TBC1D5: variants seen among roughly 807,000 people sequenced by gnomAD.
TBC1D5 encodes TBC1 domain family, member 5.
TBC1D5 carries 75 observed loss-of-function variants against 100.3 expected under a neutral mutation model. The observed-to-expected ratio is 0.75, with a 90% confidence interval of 0.62 to 0.91. The LOEUF (loss-of-function observed/expected upper bound fraction) is 0.91. TBC1D5 is among the 40% of genes least tolerant of loss of function. TBC1D5 has a pLI of 0.00. For missense variants in TBC1D5, 910 were observed against 942.4 expected, an observed-to-expected ratio of 0.97 and a Z score of 0.45; for synonymous variants, 323 against 325.6, an observed-to-expected ratio of 0.99 and a Z score of 0.09.
chr3:17,667,941 C>T (rs1299963527), intron 1 of TBC1D5, among the ~76,000 whole-genome samples: 1 of 151,512 alleles, frequency 6.6e-6, no homozygotes, highest in Non-Finnish European at 1.5e-5. Context: ...AAGATTAACG[C>T]ATTTAATAAA....
intron 18 of TBC1D5, among the ~76,000 whole-genome samples, chr3:17,186,689 G>A (rs143867258): frequency 0.012 from 1,192 of 95,698 alleles, 22 homozygotes; most frequent in African/African-American, 0.041. Flanking sequence ...CAGCCTGGGC[G>A]ACAGAGCAAA....
intron 4 of TBC1D5, among the ~76,000 whole-genome samples, chr3:17,413,228 TTAATAGA>T (rs1359868370): frequency 1.3e-5 from 2 of 152,180 alleles, no homozygotes; most frequent in Non-Finnish European, 2.9e-5. Context: ...CAGGCCAATG[TTAATAGA>T]TCAGTACTGG....
chr3:17,246,779 C>T (rs954251930), intron 16 of TBC1D5, among the ~76,000 whole-genome samples: 1 of 152,176 alleles, frequency 6.6e-6, no homozygotes, highest in Non-Finnish European at 1.5e-5. Flanking sequence ...GGTAGAACCA[C>T]ACAACTTTTA....
intron 4 of TBC1D5, among the ~76,000 whole-genome samples, chr3:17,413,948 T>C (rs1365402980): frequency 2.6e-5 from 4 of 152,156 alleles, no homozygotes; most frequent in African/African-American, 9.7e-5. Context: ...ACAATGAAAT[T>C]GCTGAGTGGT....
At chr3:17,740,567 G>T (rs1023135505) in exon 1 of TBC1D5, 2 of 152,190 alleles carry the variant, frequency 1.3e-5, no homozygotes, top group Admixed American at 6.5e-5. Context: ...AAAGTGTTAT[G>T]AAGTTATGTG....
intron 1 of TBC1D5, among the ~76,000 whole-genome samples, chr3:17,739,180 C>A (rs887033067): frequency 6.6e-6 from 1 of 152,174 alleles, no homozygotes; most frequent in Non-Finnish European, 1.5e-5. Context: ...TTCCAATGAT[C>A]TACCCATGTT....
intron 1 of TBC1D5, among the ~76,000 whole-genome samples, chr3:17,711,644 T>C (rs1311676912): frequency 1.3e-5 from 2 of 152,248 alleles, no homozygotes; most frequent in Non-Finnish European, 2.9e-5. Flanking sequence ...CACTACATAT[T>C]TTTTCATTAA....
At chr3:17,391,531 G>A (rs182048413) in intron 8 of TBC1D5, among the ~76,000 whole-genome samples, 15 of 151,792 alleles carry the variant, frequency 9.9e-5, no homozygotes, top group African/African-American at 3.4e-4. Flanking sequence ...ATATAATAGA[G>A]GTTTTGATAT....
intron 1 of TBC1D5, among the ~76,000 whole-genome samples, chr3:17,698,705 C>A (rs1298952337): frequency 6.7e-6 from 1 of 149,778 alleles, no homozygotes; most frequent in African/African-American, 2.5e-5. Flanking sequence ...AAGAAAAAAA[C>A]AAACAACCCC....
intron 17 of TBC1D5, among the ~76,000 whole-genome samples, chr3:17,237,698 TC>T (rs2149021744): frequency 6.6e-6 from 1 of 152,358 alleles, no homozygotes; most frequent in Admixed American, 6.5e-5. Flanking sequence ...TAGTTTGTAT[TC>T]CTTAGAAGTG....
At chr3:17,206,119 GA>G (rs1219884081) in intron 18 of TBC1D5, among the ~76,000 whole-genome samples, 3 of 152,122 alleles carry the variant, frequency 2.0e-5, no homozygotes, top group Non-Finnish European at 2.9e-5. Context: ...CCTGTCCTAG[GA>G]AGCTATTTTC....
chr3:17,727,278 G>A (rs1472993688), intron 1 of TBC1D5, among the ~76,000 whole-genome samples: 1 of 152,196 alleles, frequency 6.6e-6, no homozygotes, highest in Non-Finnish European at 1.5e-5. Context: ...CTACTCGAGA[G>A]GCTGAGACAG....
chr3:17,376,457 G>T, intron 10 of TBC1D5, 68 bp downstream of exon 10: 1 of 1,356,674 alleles, frequency 7.4e-7, no homozygotes, highest in South Asian at 1.3e-5. Flanking sequence ...AGATTTTGAG[G>T]TTTCAAAAAC....
At chr3:17,392,538 C>A (rs542558696) in intron 8 of TBC1D5, among the ~76,000 whole-genome samples, 1 of 152,060 alleles carries the variant, frequency 6.6e-6, no homozygotes, top group Non-Finnish European at 1.5e-5. Context: ...CAACAGGCCC[C>A]AGTGTGTGAT....
intron 2 of TBC1D5, among the ~76,000 whole-genome samples, chr3:17,565,050 T>C (rs2096585125): frequency 6.6e-6 from 1 of 152,142 alleles, no homozygotes; most frequent in South Asian, 2.1e-4. Flanking sequence ...GAATAATTAG[T>C]ATGTAGTTGT....
rs145120572 is a variant in TBC1D5 at position 17,705,933 on chromosome 3, G to A, written c.-101+33410C>T. 2,615 of 1,142,458 alleles carry A rather than the reference G, an allele frequency of 2.3e-3. 52 individuals carry two copies. In the African/African-American group the frequency reaches 0.038, roughly 17 times the overall value. The allele number at this position is 1,142,458 out of a possible 1,614,324, so 70.8% of individuals were successfully genotyped here. On this transcript the variant is annotated intron_variant, in intron 1 of 21. Transcript: ENST00000253692. ...GCCCTCGGGCCCGCGGGGCCCGTCC[G>A]CTCCTCCAGCCGCTGCCTCCCGGGC...
At chr3:17,416,200 C>T (rs1247323588) in intron 4 of TBC1D5, among the ~76,000 whole-genome samples, 7 of 152,164 alleles carry the variant, frequency 4.6e-5, no homozygotes, top group Admixed American at 4.6e-4. Context: ...CCATCGTTCA[C>T]TTTACAACCT....
At chr3:17,361,486 C>T (rs751295223) in intron 13 of TBC1D5, among the ~76,000 whole-genome samples, 6 of 151,922 alleles carry the variant, frequency 3.9e-5, no homozygotes, top group African/African-American at 7.3e-5. Flanking sequence ...TTCACGTGCA[C>T]AAGAAATATT....
chr3:17,378,027 C>T (rs140289791), intron 9 of TBC1D5, among the ~76,000 whole-genome samples: 231 of 151,610 alleles, frequency 1.5e-3, no homozygotes, highest in African/African-American at 5.0e-3. Flanking sequence ...GGAATAGTCT[C>T]AAGTTACTCC....
Sources: gnomAD v4.1 joint callset for allele counts (sites outside exome capture counted in the v4.1 genomes callset) on GRCh38, gnomAD v4.1.1 for gene constraint, MANE v1.5 for transcripts, NCBI Gene and HGNC (gene_info 2026-07-23, HGNC 2026-07-21) for gene names.